ITPRID1: variants seen among roughly 807,000 people sequenced by gnomAD.
ITPRID1 encodes the protein protein ITPRID1.
ITPRID1 carries 96 observed loss-of-function variants against 95.4 expected under a neutral mutation model. That is an observed-to-expected ratio of 1.01 (90% CI 0.85 to 1.19). ITPRID1 has a LOEUF of 1.19. Among genes scored for constraint, ITPRID1 ranks in the 50% most tolerant of loss-of-function variants. The probability of loss-of-function intolerance (pLI) is 0.00; values close to 1 mark genes in which losing one functional copy is unlikely to be tolerated. For missense variants in ITPRID1, 1,339 were observed against 1,252.9 expected (o/e 1.07, Z -1.04); for synonymous variants, 510 against 453.6 (o/e 1.12, Z -1.58).
intron 10 of ITPRID1, among the ~76,000 whole-genome samples, chr7:31,614,472 A>C (rs1480386352): frequency 1.3e-5 from 2 of 152,190 alleles, no homozygotes; most frequent in Non-Finnish European, 2.9e-5. Flanking sequence ...GGCTTGAAGT[A>C]AGACAGAAAA....
At chr7:31,549,588 G>T in intron 2 of ITPRID1, 89 bp downstream of exon 2, 2 of 941,920 alleles carry the variant, frequency 2.1e-6, no homozygotes, top group Non-Finnish European at 3.0e-6. Flanking sequence ...TGAGGAAATA[G>T]ATTATCAGAA....
intron 10 of ITPRID1, among the ~76,000 whole-genome samples, chr7:31,595,344 C>CCA (rs1293995999): frequency 9.0e-5 from 3 of 33,482 alleles, no homozygotes; most frequent in Non-Finnish European, 1.7e-4. Flanking sequence ...CATGCCCGGC[C>CCA]TACACACACA....
At chr7:31,619,501 T>C (rs1787595015) in intron 10 of ITPRID1, among the ~76,000 whole-genome samples, 1 of 151,916 alleles carries the variant, frequency 6.6e-6, no homozygotes, top group Non-Finnish European at 1.5e-5. Context: ...CATAGCATTT[T>C]GATAAGAATA....
chr7:31,561,291 A>G (rs972587231), intron 5 of ITPRID1, among the ~76,000 whole-genome samples: 1 of 152,170 alleles, frequency 6.6e-6, no homozygotes, highest in Non-Finnish European at 1.5e-5. Context: ...TCTCTTCAGG[A>G]GATGAAAGCT....
chr7:31,657,817 A>G (rs143547620), downstream of ITPRID1, among the ~76,000 whole-genome samples: 177 of 152,330 alleles, frequency 1.2e-3, no homozygotes, highest in Admixed American at 2.9e-3. Flanking sequence ...TCATTATGAG[A>G]CCAAACTCAA....
At chr7:31,520,918 A>C (rs1203107799) in intron 1 of ITPRID1, among the ~76,000 whole-genome samples, 1 of 151,742 alleles carries the variant, frequency 6.6e-6, no homozygotes, top group East Asian at 1.9e-4. Context: ...GCTTAGTTGT[A>C]GATTTCCACA....
intron 5 of ITPRID1, among the ~76,000 whole-genome samples, chr7:31,557,340 GA>G (rs1160962198): frequency 6.6e-6 from 1 of 152,052 alleles, no homozygotes; most frequent in African/African-American, 2.4e-5. Context: ...GCTTCCCACA[GA>G]AAGCATTCTA....
chr7:31,612,391 A>T (rs1477748386), intron 10 of ITPRID1, among the ~76,000 whole-genome samples: 1 of 151,914 alleles, frequency 6.6e-6, no homozygotes, highest in Non-Finnish European at 1.5e-5. Flanking sequence ...TGTGTGGGTC[A>T]TTCTTTCTCA....
At chr7:31,571,031 T>TC (rs72573544) in intron 6 of ITPRID1, among the ~76,000 whole-genome samples, 2 of 151,062 alleles carry the variant, frequency 1.3e-5, no homozygotes, top group Non-Finnish European at 3.0e-5. Context: ...TTGTTTTTTT[T>TC]TGTTTGTTTG....
Position 31,589,778 on chromosome 7 carries a change from T to C in ITPRID1, c.1228+6587T>C, listed in dbSNP as rs139227480. ...AAAAATAACTCATCACCAGCACCCA[T>C]GTACTGTAAACATTGCTAAAGGAAG... On this transcript the variant is annotated intron_variant, in intron 10 of 14. Coordinates refer to ENST00000615280, the MANE Select transcript of ITPRID1 (RefSeq NM_001257967.3). Among the ~76,000 whole-genome samples, 26 of 152,240 alleles carry C rather than the reference T, an allele frequency of 1.7e-4. 1 individual carries two copies. Among genetic ancestry groups the C allele is most frequent in the Non-Finnish European group, 3.4e-4 (23 of 68,000 alleles).
intron 10 of ITPRID1, among the ~76,000 whole-genome samples, chr7:31,633,426 C>G (rs1006187362): frequency 6.6e-6 from 1 of 152,174 alleles, no homozygotes; most frequent in South Asian, 2.1e-4. Flanking sequence ...AAATGACCAT[C>G]TATAAGGAGT....
intron 10 of ITPRID1, among the ~76,000 whole-genome samples, chr7:31,607,281 G>A (rs997950278): frequency 6.6e-6 from 1 of 152,068 alleles, no homozygotes; most frequent in Non-Finnish European, 1.5e-5. Context: ...ATCCTTGCTG[G>A]ATCTCCCATT....
intron 1 of ITPRID1, among the ~76,000 whole-genome samples, chr7:31,543,967 G>A (rs1036080149): frequency 2.6e-5 from 4 of 151,944 alleles, no homozygotes; most frequent in African/African-American, 9.7e-5. Context: ...TGCATGTGAT[G>A]TCCAACTTTT....
chr7:31,547,962 A>T (rs1263751210), intron 1 of ITPRID1, among the ~76,000 whole-genome samples: 1 of 152,132 alleles, frequency 6.6e-6, no homozygotes, highest in East Asian at 1.9e-4. Context: ...TAAAAAACTA[A>T]GGTAGGAGTT....
At chr7:31,646,758 A>T (rs1790502508) in intron 12 of ITPRID1, among the ~76,000 whole-genome samples, 1 of 152,200 alleles carries the variant, frequency 6.6e-6, no homozygotes. Flanking sequence ...CTGTCCTCAG[A>T]CGTGGGTAGA....
At chr7:31,646,362 A>C (rs1222603061) in intron 12 of ITPRID1, among the ~76,000 whole-genome samples, 1 of 152,116 alleles carries the variant, frequency 6.6e-6, no homozygotes, top group African/African-American at 2.4e-5. Context: ...CTGGGGATTG[A>C]AAGTGTGAGT....
At chr7:31,571,133 A>G (rs1023048376) in intron 6 of ITPRID1, among the ~76,000 whole-genome samples, 1 of 151,976 alleles carries the variant, frequency 6.6e-6, no homozygotes, top group African/African-American at 2.4e-5. Flanking sequence ...GGTTCAAGCA[A>G]TTCGCTGCCT....
At chr7:31,553,671 CCTTCTAA>C (rs1193465848) in intron 3 of ITPRID1, among the ~76,000 whole-genome samples, 3 of 152,150 alleles carry the variant, frequency 2.0e-5, no homozygotes, top group African/African-American at 7.2e-5. Flanking sequence ...TTGCCCAATT[CCTTCTAA>C]CTTCACAGCA....
chr7:31,615,510 T>A (rs1269812778), intron 10 of ITPRID1, among the ~76,000 whole-genome samples: 1 of 152,176 alleles, frequency 6.6e-6, no homozygotes. Flanking sequence ...TCTCTTATGC[T>A]ATTTCTGTGG....
Sources: allele counts gnomAD v4.1 joint callset (sites outside exome capture counted in the v4.1 genomes callset), GRCh38; gene constraint gnomAD v4.1.1; transcripts MANE v1.5; gene names NCBI Gene and HGNC (gene_info 2026-07-23, HGNC 2026-07-21).